The following MAX variants were observed in gnomAD, a reference collection of about 807,000 sequenced individuals.
MAX encodes the protein protein max.
A neutral mutation model predicts 22.3 loss-of-function variants in MAX; 3 were observed. The observed-to-expected ratio is 0.13, with a 90% CI of 0.06 to 0.35. The LOEUF (loss-of-function observed/expected upper bound fraction) is 0.35, where lower values mean the gene tolerates loss of function less well. Among genes scored for constraint, MAX ranks in the 10% least tolerant of loss-of-function variants. The pLI, the probability that MAX is intolerant of heterozygous loss-of-function variation, is 1.00. For missense variants in MAX, 119 were observed against 209.4 expected (o/e 0.57, Z 2.66); for synonymous variants, 72 against 77.7 (o/e 0.93, Z 0.39).
At chr14:65,015,539 C>A in intron 3 of MAX, 1 of 1,415,824 alleles carries the variant, frequency 7.1e-7, no homozygotes, top group Admixed American at 1.8e-5. Context: ...TGCCAGGCTG[C>A]TGGGAGTGAG....
chr14:65,016,918 T>G (rs2061784188), intron 3 of MAX, among the ~76,000 whole-genome samples: 3 of 128,358 alleles, frequency 2.3e-5, no homozygotes, highest in Admixed American at 8.3e-5. Flanking sequence ...AAGGCCCACG[T>G]GGTTTTTTTT....
chr14:65,054,707 C>G lies in MAX; in HGVS notation c.171+39001G>C. On this transcript the variant is annotated intron_variant, in intron 3 of 3. Transcript: ENST00000341653. This position sits in a 1 kb window ranked among gnomAD's most constrained non-coding sequence, Gnocchi z 4.4. ...ACGCTCTGGTAAGACGGGTGCAGGG[C>G]TTCACACCCCTTCTCCACAGGGACC... 6.3e-7 allele frequency: 1 copy of G among 1,589,544 alleles called. No homozygotes were observed. Among genetic ancestry groups the G allele is most frequent in the East Asian group, 2.3e-5 (1 of 43,204 alleles).
At chr14:65,017,551 C>T (rs978521681) in intron 3 of MAX, among the ~76,000 whole-genome samples, 4 of 152,108 alleles carry the variant, frequency 2.6e-5, no homozygotes, top group Non-Finnish European at 5.9e-5. Flanking sequence ...GAAGTGTCAG[C>T]GCCGCTTCTG....
intron 3 of MAX, among the ~76,000 whole-genome samples, chr14:65,017,684 G>A (rs1595030272): frequency 2.0e-5 from 3 of 152,296 alleles, no homozygotes; most frequent in East Asian, 3.9e-4. Context: ...GCTGGGTGTG[G>A]TGGCTCACGC....
intron 2 of MAX, among the ~76,000 whole-genome samples, chr14:65,100,217 C>T (rs1420751025): frequency 6.6e-6 from 1 of 151,602 alleles, no homozygotes; most frequent in East Asian, 1.9e-4. Context: ...TTTGGGAGGC[C>T]GAGGCTGGCA....
chr14:65,059,549 ATTGTT>A (rs1000089134), intron 3 of MAX, among the ~76,000 whole-genome samples: 3 of 151,950 alleles, frequency 2.0e-5, no homozygotes, highest in Admixed American at 1.3e-4. Flanking sequence ...TTTAAAAATT[ATTGTT>A]TTATCTGAAT....
In MAX at chr14:65,084,491, GAAGA is replaced by G. The variant is rs2063276665; in HGVS notation, c.172-6459_172-6456del. ...TTTGCTTGAAAAAAAGAAAGAAATG[GAAGA>G]AAGAGGATATAAAAACAATCCTCTT... is the stretch of plus-strand genomic sequence containing the variant. On this transcript the variant is annotated intron_variant, in intron 3 of 4. Transcript: ENST00000358664. The surrounding 1 kb of genome is among the most constrained non-coding windows in gnomAD (Gnocchi z 4.3). 6.6e-6 allele frequency among the ~76,000 whole-genome samples: 1 copy of G among 151,582 alleles called. No homozygotes were observed. Among genetic ancestry groups the G allele is most frequent in the Non-Finnish European group, 1.5e-5 (1 of 67,936 alleles).
chr14:65,098,957 C>G (rs1368017325), intron 2 of MAX, among the ~76,000 whole-genome samples: 1 of 152,144 alleles, frequency 6.6e-6, no homozygotes, highest in African/African-American at 2.4e-5. Context: ...ATCCACAGAA[C>G]CCTTTTCAAA....
intron 3 of MAX, among the ~76,000 whole-genome samples, chr14:65,017,432 G>A (rs2139532531): frequency 6.6e-6 from 1 of 152,242 alleles, no homozygotes; most frequent in South Asian, 2.1e-4. Flanking sequence ...ATGAAAAACT[G>A]GAAGAGAGAA....
At chr14:65,072,969 C>T (rs2063004939), downstream of MAX, among the ~76,000 whole-genome samples, 1 of 152,188 alleles carries the variant, frequency 6.6e-6, no homozygotes, top group South Asian at 2.1e-4. Context: ...TCAACCCTTA[C>T]TCACTTTAGG....
downstream of MAX, among the ~76,000 whole-genome samples, chr14:65,073,256 C>T (rs781543151): frequency 6.6e-6 from 1 of 152,172 alleles, no homozygotes; most frequent in Non-Finnish European, 1.5e-5. Flanking sequence ...TTTCAGAGGC[C>T]AAGCATAAAA....
Position 65,031,037 on chromosome 14 carries a change from AC to A in MAX, c.172-24754del, listed in dbSNP as rs887091727. On this transcript the variant is annotated intron_variant, in intron 3 of 3. Transcript: ENST00000341653. This position sits in a 1 kb window ranked among gnomAD's most constrained non-coding sequence, Gnocchi z 4.6. ...TGGCCAGGCTAGTCTCGAACTCCTGACCTCAAATAATCCACCTGCCTTAGCC... is the reference window on the plus strand; with the variant it reads ...TGGCCAGGCTAGTCTCGAACTCCTGACTCAAATAATCCACCTGCCTTAGCC... 6.6e-6 allele frequency among the ~76,000 whole-genome samples: 1 copy of A among 151,870 alleles called. No individual in the cohort carries two copies. Among genetic ancestry groups the A allele is most frequent in the Non-Finnish European group, 1.5e-5 (1 of 67,952 alleles).
Position 65,044,316 on chromosome 14 carries a change from G to A in MAX, c.172-38032C>T. The stretch of plus-strand genomic sequence containing the variant: ...TCCCATCTGTGTCTCCTCAGCAATG[G>A]GTGACAAGCCGGCAGATGCGATTTG... On this transcript the variant is annotated intron_variant, in intron 3 of 3. Coordinates refer to the MAX transcript ENST00000341653. This position sits in a 1 kb window ranked among gnomAD's most constrained non-coding sequence, Gnocchi z 5.5. 1 of 1,613,324 alleles carries A rather than the reference G, an allele frequency of 6.2e-7. No homozygotes were observed. The highest frequency in any genetic ancestry group is 1.1e-5 in the South Asian group (1 of 90,818).
At chr14:65,102,237 G>T in intron 1 of MAX, 67 bp downstream of exon 1, 4 of 1,603,402 alleles carry the variant, frequency 2.5e-6, no homozygotes, top group Non-Finnish European at 3.4e-6. Flanking sequence ...CCGTCGCCCC[G>T]CTAAGAGCCC....
Position 65,084,370 on chromosome 14 carries a change from T to G in MAX, c.172-6334A>C. ...AATAGAATACAAAATTACTAACTTTTGTTTACTGAATTAGTTACCCTCTTC... is the reference window on the plus strand; with the variant it reads ...AATAGAATACAAAATTACTAACTTTGGTTTACTGAATTAGTTACCCTCTTC... On this transcript the variant is annotated intron_variant, in intron 3 of 4. Transcript: ENST00000358664. The surrounding 1 kb of genome is among the most constrained non-coding windows in gnomAD (Gnocchi z 4.3). 1 of 998,788 alleles carries G rather than the reference T, an allele frequency of 1.0e-6. No homozygotes were observed. The highest frequency in any genetic ancestry group is 1.6e-6 in the Non-Finnish European group (1 of 638,244). The allele number at this position is 998,788 out of a possible 1,614,324, so 61.9% of individuals were successfully genotyped here.
rs1017014464 is a variant in MAX at position 65,082,471 on chromosome 14, A to T, written c.172-4435T>A. On this transcript the variant is annotated intron_variant, in intron 3 of 4. Coordinates refer to ENST00000358664, the MANE Select transcript of MAX (RefSeq NM_002382.5). The surrounding 1 kb of genome is among the most constrained non-coding windows in gnomAD (Gnocchi z 4.8). ...ACTAGTCTTCAGAATTTGGTTGAAA[A>T]GTAAGAAGTAGGCCAGGTGCAGTGG... The T allele has an allele frequency of 3.9e-5, 6 of 152,244 alleles. No individual in the cohort carries two copies. Among genetic ancestry groups the T allele is most frequent in the African/African-American group, 1.2e-4 (5 of 41,450 alleles). 9.4% of individuals were successfully genotyped at this position (152,244 alleles called of 1,614,324 possible).
In MAX at chr14:65,029,602, G is replaced by A. The variant is rs561563796; in HGVS notation, c.172-23318C>T. Among the ~76,000 whole-genome samples, 3 of 152,316 alleles carry A rather than the reference G, an allele frequency of 2.0e-5. No individual in the cohort carries two copies. In the South Asian group the frequency reaches 6.2e-4, roughly 32 times the overall value. ...CCTCCTTTCTAGGTTATATAATCTA[G>A]ATCATTCTGTGAGGATAAGGTGGAG... On this transcript the variant is annotated intron_variant, in intron 3 of 3. Coordinates refer to the MAX transcript ENST00000341653. This position sits in a 1 kb window ranked among gnomAD's most constrained non-coding sequence, Gnocchi z 4.7.
chr14:65,101,271 C>A (rs1352043639), intron 2 of MAX, among the ~76,000 whole-genome samples: 4 of 152,224 alleles, frequency 2.6e-5, no homozygotes, highest in African/African-American at 7.2e-5. Flanking sequence ...ATAGTGGCAT[C>A]TGGATCCCCT....
chr14:65,032,528 C>T lies in MAX; in HGVS notation c.172-26244G>A, dbSNP rs920179789. 6 of 1,494,344 alleles carry T rather than the reference C, an allele frequency of 4.0e-6. No homozygotes were observed. The highest frequency in any genetic ancestry group is 5.4e-6 in the Non-Finnish European group (6 of 1,106,040). The allele number at this position is 1,494,344 out of a possible 1,614,324, so 92.6% of individuals were successfully genotyped here. ...GGTGATTACAGCTTACTAGGCAAGGCGAGCAGTCCGCCCGCGGAGTTCACT... is the reference window on the plus strand; with the variant it reads ...GGTGATTACAGCTTACTAGGCAAGGTGAGCAGTCCGCCCGCGGAGTTCACT... On this transcript the variant is annotated intron_variant, in intron 3 of 3. Transcript: ENST00000341653. This position sits in a 1 kb window ranked among gnomAD's most constrained non-coding sequence, Gnocchi z 5.0.
Sources: allele counts gnomAD v4.1 joint callset (sites outside exome capture counted in the v4.1 genomes callset), GRCh38; gene constraint gnomAD v4.1.1; non-coding constraint Gnocchi (gnomAD v3.1); transcripts MANE v1.5; gene names NCBI Gene and HGNC (gene_info 2026-07-23, HGNC 2026-07-21).